The following DMRT1 variants were observed in gnomAD, a reference collection of about 807,000 sequenced individuals.
DMRT1 encodes doublesex- and mab-3-related transcription factor 1.
In DMRT1, 7 loss-of-function variants were observed where a neutral mutation model predicts 32.3. The observed-to-expected ratio is 0.22, with a 90% CI of 0.12 to 0.41. The LOEUF (loss-of-function observed/expected upper bound fraction) is 0.41, where lower values mean the gene tolerates loss of function less well. Among genes scored for constraint, DMRT1 ranks in the 10% least tolerant of loss-of-function variants. DMRT1 has a pLI of 1.00. For missense variants in DMRT1, 625 were observed against 500.5 expected, an observed-to-expected ratio of 1.25 and a Z score of -2.37; for synonymous variants, 278 against 206.1, an observed-to-expected ratio of 1.35 and a Z score of -2.99.
At chr9:877,571 T>C (rs975518318) in intron 2 of DMRT1, among the ~76,000 whole-genome samples, 2 of 152,240 alleles carry the variant, frequency 1.3e-5, no homozygotes, top group South Asian at 4.1e-4. Context: ...TCTGCACATC[T>C]CATTTCAGTC....
intron 2 of DMRT1, 112 bp downstream of exon 2, chr9:847,255 G>C: frequency 8.5e-7 from 1 of 1,177,574 alleles, no homozygotes; most frequent in Non-Finnish European, 1.2e-6. Context: ...AGAGCTTAGA[G>C]GATTCTGTAG....
At chr9:877,355 G>C (rs1035798113) in intron 2 of DMRT1, among the ~76,000 whole-genome samples, 1 of 152,174 alleles carries the variant, frequency 6.6e-6, no homozygotes, top group African/African-American at 2.4e-5. Flanking sequence ...GTGCAGTAAG[G>C]GTTCTGAAGG....
In DMRT1 at chr9:885,492, C is replaced by T. The variant is rs138263473; in HGVS notation, c.539-8420C>T. Among the ~76,000 whole-genome samples the T allele has an allele frequency of 3.9e-3, 595 of 152,304 alleles. 5 individuals carry two copies. Among genetic ancestry groups the T allele is most frequent in the African/African-American group, 0.011 (451 of 41,574 alleles). On this transcript the variant is annotated intron_variant, in intron 2 of 4. Transcript: ENST00000382276. ...CTTCTCCTACTTCCCCAACCAAACG[C>T]AGCGTTGTTCTGCTGGTCAAATGGC...
At chr9:872,017 C>G (rs1470485241) in intron 2 of DMRT1, among the ~76,000 whole-genome samples, 2 of 151,086 alleles carry the variant, frequency 1.3e-5, no homozygotes, top group South Asian at 4.2e-4. Flanking sequence ...TATTTGAGAC[C>G]CTTCTAAAAA....
At chr9:902,805 G>A (rs1386686378) in intron 3 of DMRT1, among the ~76,000 whole-genome samples, 1 of 151,976 alleles carries the variant, frequency 6.6e-6, no homozygotes, top group Non-Finnish European at 1.5e-5. Context: ...TCCTTTTTAT[G>A]ACAGCCATGG....
At chr9:940,359 CATAGAGACCA>C (rs1417037843) in intron 4 of DMRT1, among the ~76,000 whole-genome samples, 2 of 152,174 alleles carry the variant, frequency 1.3e-5, no homozygotes, top group African/African-American at 4.8e-5. Context: ...CACACACAGA[CATAGAGACCA>C]ATAGACTAGG....
chr9:866,370 A>C (rs145764806), intron 2 of DMRT1, among the ~76,000 whole-genome samples: 35 of 152,178 alleles, frequency 2.3e-4, no homozygotes, highest in Admixed American at 2.0e-3. Flanking sequence ...ATGTCATAAT[A>C]TTTCAGACCC....
intron 4 of DMRT1, among the ~76,000 whole-genome samples, chr9:950,059 T>G (rs1488672700): frequency 6.6e-6 from 1 of 152,146 alleles, no homozygotes; most frequent in Admixed American, 6.5e-5. Flanking sequence ...CTGATTTCAA[T>G]TCTTTGAATA....
In DMRT1 at chr9:841,782, C is replaced by G. The variant is rs1589435742; in HGVS notation, c.-57C>G. 4 of 1,562,550 alleles carry G rather than the reference C, an allele frequency of 2.6e-6. No individual in the cohort carries two copies. The Admixed American group carries it at 7.6e-5, about 30-fold the overall frequency. ...CGCTGTCCGTCGGGTTCATCCCTCG[C>G]AGCAGTCTCCAGGCGAGAGAGGGGG... On this transcript the variant is annotated 5_prime_UTR_variant, in exon 1 of 5. Coordinates refer to ENST00000382276, the MANE Select transcript of DMRT1 (RefSeq NM_021951.3).
chr9:958,828 T>C (rs1181680308), intron 4 of DMRT1, among the ~76,000 whole-genome samples: 2 of 152,236 alleles, frequency 1.3e-5, no homozygotes, highest in Admixed American at 6.5e-5. Flanking sequence ...ACCAAGCTCA[T>C]TGGCGCTCTG....
chr9:894,215 G>A lies in DMRT1; in HGVS notation c.822+20G>A, dbSNP rs769488196. 4 of 1,612,178 alleles carry A rather than the reference G, an allele frequency of 2.5e-6. No individual in the cohort carries two copies. In the South Asian group the frequency reaches 4.4e-5, roughly 18 times the overall value. On this transcript the variant is annotated intron_variant, in intron 3 of 4. Coordinates refer to ENST00000382276, the MANE Select transcript of DMRT1 (RefSeq NM_021951.3). ...TGGCAGGTATGATATTAATTACCCAGAGAGTGAACTGGTTGTGTGAAAGCC... is the reference window on the plus strand; with the variant it reads ...TGGCAGGTATGATATTAATTACCCAAAGAGTGAACTGGTTGTGTGAAAGCC...
At chr9:863,591 T>C (rs757460123) in intron 2 of DMRT1, among the ~76,000 whole-genome samples, 2 of 152,116 alleles carry the variant, frequency 1.3e-5, no homozygotes, top group African/African-American at 2.4e-5. Flanking sequence ...ATCTAACTGA[T>C]TGAGCAAAGA....
chr9:934,274 A>G (rs1022610116), intron 4 of DMRT1, among the ~76,000 whole-genome samples: 2 of 135,648 alleles, frequency 1.5e-5, no homozygotes, highest in African/African-American at 6.9e-5. Flanking sequence ...GTTGATAGTG[A>G]CCAGTGAGTG....
intron 2 of DMRT1, among the ~76,000 whole-genome samples, chr9:885,260 G>T (rs564212573): frequency 6.6e-6 from 1 of 152,118 alleles, no homozygotes; most frequent in Non-Finnish European, 1.5e-5. Context: ...TGCGTTAGTC[G>T]GCTCAATTAG....
intron 2 of DMRT1, among the ~76,000 whole-genome samples, chr9:891,198 A>C (rs1369453262): frequency 6.6e-6 from 1 of 151,806 alleles, no homozygotes; most frequent in African/African-American, 2.4e-5. Flanking sequence ...AAAAAAAAAA[A>C]AAGCTAAGAG....
chr9:960,961 G>A (rs1819752896), intron 4 of DMRT1, among the ~76,000 whole-genome samples: 2 of 152,314 alleles, frequency 1.3e-5, no homozygotes, highest in South Asian at 2.1e-4. Flanking sequence ...TTGTCACCGG[G>A]CCACACGTGT....
chr9:848,429 TTG>T (rs1259113513), intron 2 of DMRT1, among the ~76,000 whole-genome samples: 31 of 152,192 alleles, frequency 2.0e-4, no homozygotes, highest in Non-Finnish European at 3.7e-4. Context: ...GTGTCTGTCT[TTG>T]TGTATTTTAC....
chr9:881,115 C>A (rs575979091), intron 2 of DMRT1, among the ~76,000 whole-genome samples: 28 of 152,050 alleles, frequency 1.8e-4, no homozygotes, highest in Non-Finnish European at 3.2e-4. Context: ...ATAGACCCCC[C>A]CCACCTCCTC....
chr9:912,549 C>T (rs540109723), intron 3 of DMRT1, among the ~76,000 whole-genome samples: 1 of 152,216 alleles, frequency 6.6e-6, no homozygotes, highest in South Asian at 2.1e-4. Flanking sequence ...TAAGCACACG[C>T]ATGGATTTGA....
Sources: allele counts gnomAD v4.1 joint callset (sites outside exome capture counted in the v4.1 genomes callset), GRCh38; gene constraint gnomAD v4.1.1; transcripts MANE v1.5; gene names NCBI Gene and HGNC (gene_info 2026-07-23, HGNC 2026-07-21).